The following LONP2 variants were observed in gnomAD, a reference collection of about 807,000 sequenced individuals.
LONP2 encodes lon peptidase 2, peroxisomal.
A neutral mutation model predicts 85.6 loss-of-function variants in LONP2; 60 were observed. That is an observed-to-expected ratio of 0.70 (90% confidence interval 0.57 to 0.87). LONP2 has a LOEUF of 0.87. Among genes scored for constraint, LONP2 ranks in the 40% least tolerant of loss-of-function variants. The probability of loss-of-function intolerance (pLI) is 0.00; values close to 1 mark genes in which losing one functional copy is unlikely to be tolerated. For synonymous variants in LONP2, 395 were observed against 389.7 expected (o/e 1.01, Z -0.16); for missense variants, 860 against 1,063.5 (o/e 0.81, Z 2.66).
intron 8 of LONP2, among the ~76,000 whole-genome samples, chr16:48,295,741 A>G (rs2150995582): frequency 6.6e-6 from 1 of 152,390 alleles, no homozygotes; most frequent in Non-Finnish European, 1.5e-5. Context: ...GTCATTAATA[A>G]ATAGATTTTT....
chr16:48,301,792 T>C (rs1972810843), intron 10 of LONP2, among the ~76,000 whole-genome samples: 1 of 152,234 alleles, frequency 6.6e-6, no homozygotes, highest in South Asian at 2.1e-4. Flanking sequence ...CTAAGTGTAA[T>C]TCCTCCTTGT....
intron 12 of LONP2, among the ~76,000 whole-genome samples, chr16:48,341,329 T>TAAAC (rs1420753421): frequency 2.6e-5 from 4 of 151,246 alleles, no homozygotes; most frequent in African/African-American, 9.8e-5. Flanking sequence ...AATAAATAAA[T>TAAAC]AGGTCCAGCA....
intron 8 of LONP2, among the ~76,000 whole-genome samples, chr16:48,293,136 G>T (rs914306695): frequency 2.0e-5 from 3 of 152,100 alleles, no homozygotes; most frequent in African/African-American, 4.8e-5. Context: ...TTAAAGAATA[G>T]AATTTTTTCC....
downstream of LONP2, among the ~76,000 whole-genome samples, chr16:48,357,509 A>C (rs924724267): frequency 6.6e-6 from 1 of 152,316 alleles, no homozygotes; most frequent in East Asian, 1.9e-4. Flanking sequence ...CAAATACCAC[A>C]GTCCTGCGTG....
At chr16:48,319,379 C>CA (rs572134463) in intron 11 of LONP2, among the ~76,000 whole-genome samples, 3 of 151,292 alleles carry the variant, frequency 2.0e-5, no homozygotes, top group African/African-American at 4.9e-5. Flanking sequence ...AAGACTCTCT[C>CA]AAAAAAAATA....
chr16:48,319,668 G>A (rs761282590), intron 11 of LONP2, among the ~76,000 whole-genome samples: 3 of 152,094 alleles, frequency 2.0e-5, no homozygotes, highest in Non-Finnish European at 4.4e-5. Flanking sequence ...TCTCCCAGAG[G>A]GAATGATGTG....
chr16:48,318,649 G>A (rs1191154390), intron 11 of LONP2, among the ~76,000 whole-genome samples: 1 of 152,172 alleles, frequency 6.6e-6, no homozygotes, highest in East Asian at 1.9e-4. Context: ...GTGGTGAGTG[G>A]GAGAAAGGTA....
At chr16:48,245,090 C>T (rs923484560) in intron 1 of LONP2, among the ~76,000 whole-genome samples, 1 of 152,102 alleles carries the variant, frequency 6.6e-6, no homozygotes. Flanking sequence ...TTCTCTGCTC[C>T]GTGAGTTTTA....
chr16:48,299,887 A>G lies in LONP2; in HGVS notation c.1661+99A>G, dbSNP rs866987831. On this transcript the variant is annotated intron_variant, in intron 10 of 14. Coordinates refer to ENST00000285737, the MANE Select transcript of LONP2 (RefSeq NM_031490.5). The stretch of plus-strand genomic sequence containing the variant: ...TAGAGTATCAATATTTGAGTTTTTC[A>G]TCTTTTGAGATAAGCCACAGTCTCC... The G allele has an allele frequency of 9.7e-6, 12 of 1,232,018 alleles. No individual in the cohort carries two copies. In the Admixed American group the frequency reaches 1.0e-4, roughly 10 times the overall value. 76.3% of individuals were successfully genotyped at this position (1,232,018 alleles called of 1,614,324 possible).
At chr16:48,295,821 G>A (rs968199572) in intron 8 of LONP2, among the ~76,000 whole-genome samples, 194 bp from the exon 9 acceptor site, 6 of 152,076 alleles carry the variant, frequency 3.9e-5, no homozygotes, top group Admixed American at 1.3e-4. Flanking sequence ...GACACTGAAC[G>A]TATTTTATTT....
At position 48,347,617 on chromosome 16, in the gene LONP2, AACTCTG is replaced by A; in HGVS notation, c.2052_2057del (p.Leu685_Thr686del). 6.2e-7 allele frequency: 1 copy of A among 1,614,244 alleles called. No homozygotes were observed. ...GTCGAATGGATGGCGAGGGCCAGTT[AACTCTG>A]ACCGGCCAGCTCGGGGACGTGATGA... is the stretch of plus-strand genomic sequence containing the variant. On this transcript the variant is annotated inframe_deletion, in exon 13 of 15. Transcript: ENST00000285737.
chr16:48,287,847 A>G (rs74016400), intron 8 of LONP2, among the ~76,000 whole-genome samples: 1,864 of 152,316 alleles, frequency 0.012, 39 homozygotes, highest in African/African-American at 0.042. Flanking sequence ...AATTTTTGCT[A>G]GTGCTCTCAT....
chr16:48,351,442 C>A (rs1436503992), intron 14 of LONP2, 139 bp from the exon 15 acceptor site: 1 of 665,926 alleles, frequency 1.5e-6, no homozygotes, highest in Non-Finnish European at 2.5e-6. Context: ...GCTTTCCTAG[C>A]TCATGCTATA....
downstream of LONP2, among the ~76,000 whole-genome samples, chr16:48,360,336 T>C (rs979928347): frequency 6.6e-6 from 1 of 152,188 alleles, no homozygotes; most frequent in African/African-American, 2.4e-5. Context: ...AATCAAAATG[T>C]GGGCAAGAGG....
chr16:48,328,843 GA>G (rs1287666904), intron 11 of LONP2, among the ~76,000 whole-genome samples: 5 of 150,200 alleles, frequency 3.3e-5, no homozygotes, highest in East Asian at 2.0e-4. Flanking sequence ...AAAAGGGGGG[GA>G]GGGGCGGTGG....
chr16:48,264,779 TAATA>T (rs1343759038), intron 6 of LONP2, among the ~76,000 whole-genome samples: 1 of 152,198 alleles, frequency 6.6e-6, no homozygotes, highest in Admixed American at 6.5e-5. Flanking sequence ...TTTGGGGAAC[TAATA>T]AATGTCCATA....
chr16:48,246,008 G>A (rs1198639049), intron 1 of LONP2, among the ~76,000 whole-genome samples: 1 of 152,014 alleles, frequency 6.6e-6, no homozygotes, highest in African/African-American at 2.4e-5. Flanking sequence ...GATTTCCGGA[G>A]GGTTGGACAT....
At chr16:48,247,153 A>G (rs1465799104) in intron 1 of LONP2, among the ~76,000 whole-genome samples, 3 of 152,296 alleles carry the variant, frequency 2.0e-5, no homozygotes, top group Non-Finnish European at 2.9e-5. Context: ...AGATTGTACC[A>G]TATTCCTTGG....
chr16:48,256,837 T>C (rs775744837), intron 3 of LONP2, 96 bp downstream of exon 3: 36 of 1,130,862 alleles, frequency 3.2e-5, no homozygotes, highest in Admixed American at 9.7e-5. Flanking sequence ...GAAAAAGATA[T>C]TGGAGACCCA....
Sources: gnomAD v4.1 joint callset for allele counts (sites outside exome capture counted in the v4.1 genomes callset) on GRCh38, gnomAD v4.1.1 for gene constraint, MANE v1.5 for transcripts, NCBI Gene and HGNC (gene_info 2026-07-23, HGNC 2026-07-21) for gene names.